Variants in SLC36A1 observed in about 807,000 individuals in gnomAD.
SLC36A1 encodes the protein solute carrier family 36 member 1.
In SLC36A1, 30 loss-of-function variants were observed where a neutral mutation model predicts 47.5. That is an observed-to-expected ratio of 0.63 (90% CI 0.47 to 0.86). The LOEUF (loss-of-function observed/expected upper bound fraction) is 0.86, where lower values mean the gene tolerates loss of function less well. Among genes scored for constraint, SLC36A1 ranks in the 40% least tolerant of loss-of-function variants. The probability of loss-of-function intolerance (pLI) is 0.00; values close to 1 mark genes in which losing one functional copy is unlikely to be tolerated. For synonymous variants in SLC36A1, 255 were observed against 249.7 expected, an observed-to-expected ratio of 1.02 and a Z score of -0.20; for missense variants, 517 against 606.0, an observed-to-expected ratio of 0.85 and a Z score of 1.54.
chr5:151,512,541 G>A, the SLC36A1 span: 1 of 1,614,160 alleles, frequency 6.2e-7, no homozygotes, highest in East Asian at 2.2e-5. This position sits in a 1 kb window ranked among gnomAD's most constrained non-coding sequence, Gnocchi z 4.1. Context: ...CATGGCGCTG[G>A]GAGGAAAGGT....
At chr5:151,405,972 T>C in the SLC36A1 span, among the ~76,000 whole-genome samples, 2 of 152,328 alleles carry the variant, frequency 1.3e-5, no homozygotes, top group South Asian at 2.1e-4. Flanking sequence ...GGCTTACAGA[T>C]AGGCTGTTAC....
the SLC36A1 span, among the ~76,000 whole-genome samples, chr5:151,515,598 G>A: frequency 1.3e-5 from 2 of 152,150 alleles, no homozygotes; most frequent in Non-Finnish European, 2.9e-5. Flanking sequence ...CATTCTTCCA[G>A]TTGCCCAGGC....
chr5:151,488,122 C>T lies in SLC36A1; in HGVS notation c.1299C>T (p.Thr433=). ...TFYSEGMSPL[T]IFKDALISIL... is the part of the protein sequence containing the mutation. Reference sequence around the variant, plus strand: ...ACTCAGAGGGCATGAGCCCCCTCACCATCTTTAAGGACGCCCTGATCAGCA... The same window carrying T: ...ACTCAGAGGGCATGAGCCCCCTCACTATCTTTAAGGACGCCCTGATCAGCA... The change falls in exon 11 of 11, where the codon ACC becomes ACT. Residue 433 remains threonine, a synonymous_variant. Transcript: ENST00000243389. 1 of 1,614,194 alleles carries T rather than the reference C, an allele frequency of 6.2e-7. No homozygotes were observed. The highest frequency in any genetic ancestry group is 1.1e-5 in the South Asian group (1 of 91,084).
chr5:151,534,456 G>C, the SLC36A1 span: 6 of 1,613,882 alleles, frequency 3.7e-6, no homozygotes, highest in Admixed American at 1.0e-4. Flanking sequence ...GGTCTTCACT[G>C]TGGTGTTGTC....
At chr5:151,396,963 G>A in the SLC36A1 span, among the ~76,000 whole-genome samples, 1 of 152,166 alleles carries the variant, frequency 6.6e-6, no homozygotes, top group African/African-American at 2.4e-5. Flanking sequence ...GCTCAGCTAG[G>A]CCACCTCTCC....
chr5:151,356,076 A>G, the SLC36A1 span, among the ~76,000 whole-genome samples: 1 of 152,040 alleles, frequency 6.6e-6, no homozygotes, highest in Non-Finnish European at 1.5e-5. Context: ...TGTTAAGAAT[A>G]CAGGAGGATC....
chr5:151,471,765 T>C (rs1487162554), intron 7 of SLC36A1, among the ~76,000 whole-genome samples: 1 of 152,232 alleles, frequency 6.6e-6, no homozygotes. Context: ...AAGTGAAGGC[T>C]GTTATAGAGC....
chr5:151,420,279 T>G, the SLC36A1 span, among the ~76,000 whole-genome samples: 15 of 152,198 alleles, frequency 9.9e-5, no homozygotes, highest in Non-Finnish European at 1.9e-4. Flanking sequence ...TCCATCCTTC[T>G]GGAGCTGTCA....
the SLC36A1 span, among the ~76,000 whole-genome samples, chr5:151,383,785 C>A: frequency 1.3e-5 from 2 of 152,010 alleles, no homozygotes; most frequent in African/African-American, 4.8e-5. Context: ...GTTGGCCAGG[C>A]TGGTCTCAAA....
At chr5:151,540,678 ATGCT>A in the SLC36A1 span, 1 of 1,614,218 alleles carries the variant, frequency 6.2e-7, no homozygotes, top group African/African-American at 1.3e-5. Context: ...ACTTGGCTGT[ATGCT>A]CGCGGTCCAG....
chr5:151,512,653 G>A, the SLC36A1 span: 2 of 1,495,858 alleles, frequency 1.3e-6, no homozygotes, highest in South Asian at 2.5e-5. The surrounding 1 kb of genome is among the most constrained non-coding windows in gnomAD (Gnocchi z 4.1). Context: ...AGGAGTCCTT[G>A]TAAACCTGCT....
downstream of SLC36A1, among the ~76,000 whole-genome samples, chr5:151,496,616 C>T (rs1318662482): frequency 1.3e-5 from 2 of 152,142 alleles, no homozygotes; most frequent in East Asian, 3.9e-4. Flanking sequence ...AGTGCAGTGG[C>T]ACCATCTCAG....
At chr5:151,426,194 A>C in the SLC36A1 span, among the ~76,000 whole-genome samples, 2 of 152,186 alleles carry the variant, frequency 1.3e-5, no homozygotes, top group Admixed American at 6.5e-5. Context: ...GGTGTTTCTC[A>C]TCAGGTGGGA....
chr5:151,376,618 C>T, the SLC36A1 span, among the ~76,000 whole-genome samples: 1 of 152,116 alleles, frequency 6.6e-6, no homozygotes, highest in South Asian at 2.1e-4. Context: ...TGTTGTATAT[C>T]CATTTCATTC....
the SLC36A1 span, among the ~76,000 whole-genome samples, chr5:151,421,491 C>T: frequency 6.6e-6 from 1 of 152,082 alleles, no homozygotes; most frequent in African/African-American, 2.4e-5. Flanking sequence ...ATCCACCCAC[C>T]TCAGCCTCCC....
chr5:151,374,380 C>T, the SLC36A1 span, among the ~76,000 whole-genome samples: 2 of 152,080 alleles, frequency 1.3e-5, no homozygotes, highest in East Asian at 1.9e-4. Flanking sequence ...TCTGTTGGTG[C>T]GCTCTTGGGG....
At chr5:151,384,981 T>TGG in the SLC36A1 span, among the ~76,000 whole-genome samples, 1 of 126,258 alleles carries the variant, frequency 7.9e-6, no homozygotes, top group Non-Finnish European at 1.7e-5. Context: ...TATGTGTGTG[T>TGG]GTGTGGGTGT....
chr5:151,409,894 A>T, the SLC36A1 span, among the ~76,000 whole-genome samples: 1 of 152,236 alleles, frequency 6.6e-6, no homozygotes, highest in Non-Finnish European at 1.5e-5. Context: ...GGAATCTGTT[A>T]TTAAGCAAAA....
chr5:151,531,769 C>T, the SLC36A1 span: 4 of 1,602,530 alleles, frequency 2.5e-6, no homozygotes, highest in African/African-American at 5.6e-5. This position sits in a 1 kb window ranked among gnomAD's most constrained non-coding sequence, Gnocchi z 5.7. Flanking sequence ...GTCTTCTAGG[C>T]CCACCACCGA....
Sources: allele counts gnomAD v4.1 joint callset (sites outside exome capture counted in the v4.1 genomes callset), GRCh38; gene constraint gnomAD v4.1.1; non-coding constraint Gnocchi (gnomAD v3.1); transcripts MANE v1.5; gene names NCBI Gene and HGNC (gene_info 2026-07-23, HGNC 2026-07-21).